Variants in RAB11FIP3 observed in about 807,000 individuals in gnomAD.
The protein encoded by RAB11FIP3 is rab11 family-interacting protein 3.
Under a neutral mutation model 77.8 loss-of-function variants are expected in RAB11FIP3, and 17 were observed. The ratio of observed to expected loss-of-function variants is 0.22; its 90% CI spans 0.15 to 0.33. The LOEUF (loss-of-function observed/expected upper bound fraction) is 0.33. Among genes scored for constraint, RAB11FIP3 ranks in the 10% least tolerant of loss-of-function variants. The pLI, the probability that RAB11FIP3 is intolerant of heterozygous loss-of-function variation, is 1.00. For synonymous variants in RAB11FIP3, 437 were observed against 448.2 expected, an observed-to-expected ratio of 0.98 and a Z score of 0.31; for missense variants, 1,005 against 1,011.2, an observed-to-expected ratio of 0.99 and a Z score of 0.08.
intron 1 of RAB11FIP3, among the ~76,000 whole-genome samples, chr16:444,668 C>T (rs140164437): frequency 1.6e-4 from 25 of 151,528 alleles, no homozygotes; most frequent in African/African-American, 4.4e-4. Flanking sequence ...GGCAACACAG[C>T]GAGACCCTGT....
chr16:455,074 C>T (rs1164635751), intron 1 of RAB11FIP3, among the ~76,000 whole-genome samples: 1 of 145,606 alleles, frequency 6.9e-6, no homozygotes, highest in Non-Finnish European at 1.5e-5. Flanking sequence ...AAAAACTAGG[C>T]TTTCTTTCTT....
At chr16:508,809 C>T (rs987584599) in intron 8 of RAB11FIP3, among the ~76,000 whole-genome samples, 1 of 152,138 alleles carries the variant, frequency 6.6e-6, no homozygotes, top group Admixed American at 6.6e-5. Context: ...CTGGATGTTT[C>T]CTCTCCTTTT....
chr16:490,068 T>G (rs993103859), intron 5 of RAB11FIP3, among the ~76,000 whole-genome samples: 1 of 152,252 alleles, frequency 6.6e-6, no homozygotes, highest in African/African-American at 2.4e-5. Context: ...GGTAATCACC[T>G]CTTCCTACGT....
intron 5 of RAB11FIP3, among the ~76,000 whole-genome samples, chr16:489,745 G>A (rs1398120136): frequency 5.9e-5 from 9 of 152,214 alleles, no homozygotes; most frequent in Admixed American, 5.9e-4. Context: ...TGTTACTGAG[G>A]CCCAGGGAAC....
intron 5 of RAB11FIP3, among the ~76,000 whole-genome samples, chr16:493,749 G>A (rs1172567666): frequency 2.0e-5 from 3 of 149,392 alleles, no homozygotes; most frequent in Non-Finnish European, 4.4e-5. Context: ...TGGGACTACA[G>A]GCGCCCATCA....
chr16:520,613 TGTCTGCACGGTGTGGCCTGGGGTCCACA>T lies in RAB11FIP3; in HGVS notation c.2157+23_2157+50del. ...TCCCGAGATGAGGTAACACATCCCG[TGTCTGCACGGTGTGGCCTGGGGTCCACA>T]GTCTGCACTGTCTGTGCGCTGTGGT... On this transcript the variant is annotated intron_variant, in intron 13 of 13. Transcript: ENST00000262305. 6.2e-7 allele frequency: 1 copy of T among 1,612,662 alleles called. No individual in the cohort carries two copies. Among genetic ancestry groups the T allele is most frequent in the Non-Finnish European group, 8.5e-7 (1 of 1,179,374 alleles).
intron 1 of RAB11FIP3, among the ~76,000 whole-genome samples, chr16:441,668 C>T (rs1291416162): frequency 6.6e-6 from 1 of 152,206 alleles, no homozygotes; most frequent in African/African-American, 2.4e-5. Flanking sequence ...GAGCCCTCTG[C>T]CCCATGCTGC....
intron 1 of RAB11FIP3, among the ~76,000 whole-genome samples, chr16:445,272 A>G (rs1007363833): frequency 8.2e-6 from 1 of 122,060 alleles, no homozygotes; most frequent in African/African-American, 2.5e-5. Context: ...GAATCTACTA[A>G]AAATACAAAA....
At chr16:496,755 T>C in intron 5 of RAB11FIP3, 69 bp from the exon 6 acceptor site, 1 of 1,490,144 alleles carries the variant, frequency 6.7e-7, no homozygotes, top group Non-Finnish European at 9.3e-7. Flanking sequence ...ACAGCCTGAG[T>C]TTCCTGCTTC....
chr16:481,288 A>C lies in RAB11FIP3; in HGVS notation c.904-1237A>C, dbSNP rs192678546. ...CACTTTGGAAGGCTGAGGTGGGTGG[A>C]TCACCTGAGGTAAGGAGTTTGAGAC... On this transcript the variant is annotated intron_variant, in intron 3 of 13. Coordinates refer to ENST00000262305, the MANE Select transcript of RAB11FIP3 (RefSeq NM_014700.4). 2.0e-3 allele frequency among the ~76,000 whole-genome samples: 298 copies of C among 151,824 alleles called. 2 individuals carry two copies. Among genetic ancestry groups the C allele is most frequent in the African/African-American group, 6.7e-3 (279 of 41,456 alleles).
At chr16:453,706 T>C (rs2055449328) in intron 1 of RAB11FIP3, among the ~76,000 whole-genome samples, 1 of 150,594 alleles carries the variant, frequency 6.6e-6, no homozygotes, top group African/African-American at 2.5e-5. Flanking sequence ...TTCTTCTGCC[T>C]CAGCCTCCCC....
At chr16:484,291 C>T (rs1384183870) in intron 4 of RAB11FIP3, among the ~76,000 whole-genome samples, 1 of 152,204 alleles carries the variant, frequency 6.6e-6, no homozygotes, top group Non-Finnish European at 1.5e-5. Context: ...TTAAGTTCCC[C>T]CACACAGGGA....
intron 2 of RAB11FIP3, among the ~76,000 whole-genome samples, chr16:469,628 G>A (rs2141678158): frequency 6.6e-6 from 1 of 151,908 alleles, no homozygotes; most frequent in African/African-American, 2.4e-5. Context: ...GACCTTAAGT[G>A]ATCCGCCCGC....
In RAB11FIP3 at chr16:521,079, T is replaced by C. The variant is rs1015115723; in HGVS notation, c.*240T>C. On this transcript the variant is annotated 3_prime_UTR_variant, in exon 14 of 14. Coordinates refer to ENST00000262305, the MANE Select transcript of RAB11FIP3 (RefSeq NM_014700.4). ...GCCCGGGGTCCACAGAGGATGAGGG[T>C]TGTGGCAGGGCCGTCCATCAGCGCT... 3 of 574,654 alleles carry C rather than the reference T, an allele frequency of 5.2e-6. No homozygotes were observed. Among genetic ancestry groups the C allele is most frequent in the African/African-American group, 1.9e-5 (1 of 53,250 alleles). 35.6% of individuals were successfully genotyped at this position (574,654 alleles called of 1,614,324 possible).
chr16:464,139 A>G (rs1188639496), intron 2 of RAB11FIP3, among the ~76,000 whole-genome samples: 1 of 152,090 alleles, frequency 6.6e-6, no homozygotes, highest in African/African-American at 2.4e-5. Context: ...CCTGCAGAGC[A>G]ATGGGCAGAG....
chr16:450,149 C>A (rs1026425418), intron 1 of RAB11FIP3, among the ~76,000 whole-genome samples: 4 of 151,988 alleles, frequency 2.6e-5, no homozygotes, highest in African/African-American at 9.7e-5. Flanking sequence ...CACCATTTGA[C>A]CTGCCGAACG....
At chr16:515,348 C>G (rs2032350673) in intron 9 of RAB11FIP3, among the ~76,000 whole-genome samples, 1 of 152,216 alleles carries the variant, frequency 6.6e-6, no homozygotes, top group African/African-American at 2.4e-5. Context: ...TTAGTATGCT[C>G]CACTCAGCAA....
At chr16:446,674 C>G (rs2055321871) in intron 1 of RAB11FIP3, among the ~76,000 whole-genome samples, 1 of 151,992 alleles carries the variant, frequency 6.6e-6, no homozygotes, top group South Asian at 2.1e-4. Context: ...CCATATAGTC[C>G]TTTTTATTCA....
intron 8 of RAB11FIP3, among the ~76,000 whole-genome samples, chr16:509,510 C>T (rs552043350): frequency 6.6e-6 from 1 of 152,342 alleles, no homozygotes; most frequent in South Asian, 2.1e-4. Flanking sequence ...GGCCAGAGGG[C>T]GTGGGCTGTG....
Sources: allele counts gnomAD v4.1 joint callset (sites outside exome capture counted in the v4.1 genomes callset), GRCh38; gene constraint gnomAD v4.1.1; transcripts MANE v1.5; gene names NCBI Gene and HGNC (gene_info 2026-07-23, HGNC 2026-07-21).